Variants in TRAF2 observed in about 807,000 individuals in gnomAD.
The protein encoded by TRAF2 is TNF receptor-associated factor 2.
A neutral mutation model predicts 55.6 loss-of-function variants in TRAF2; 6 were observed. The observed-to-expected ratio is 0.11, with a 90% CI of 0.06 to 0.21. The LOEUF (loss-of-function observed/expected upper bound fraction) is 0.21. Ranked by LOEUF, TRAF2 falls within the 10% of genes least tolerant of loss-of-function variation. TRAF2 has a pLI of 1.00. For synonymous variants in TRAF2, 329 were observed against 276.3 expected (o/e 1.19, Z -1.89); for missense variants, 561 against 684.5 (o/e 0.82, Z 2.01).
chr9:136,923,766 C>T (rs17250638), intron 9 of TRAF2, 86 bp from the exon 10 acceptor site: 4 of 1,453,822 alleles, frequency 2.8e-6, no homozygotes, highest in Middle Eastern at 2.1e-4. Context: ...GTGTTTTTGT[C>T]CCTGGGGGAG....
At chr9:136,889,940 CGT>C (rs1244063210) in intron 1 of TRAF2, among the ~76,000 whole-genome samples, 3 of 150,560 alleles carry the variant, frequency 2.0e-5, no homozygotes, top group East Asian at 2.0e-4. Flanking sequence ...CTCGTCACCG[CGT>C]GTGTGAGAGT....
chr9:136,894,927 T>C (rs1798518078), intron 1 of TRAF2, among the ~76,000 whole-genome samples: 1 of 152,176 alleles, frequency 6.6e-6, no homozygotes, highest in African/African-American at 2.4e-5. Flanking sequence ...GTAGTGTGCA[T>C]GATCACACTT....
chr9:136,901,599 G>T (rs1048035235), intron 4 of TRAF2, among the ~76,000 whole-genome samples: 1 of 152,184 alleles, frequency 6.6e-6, no homozygotes. Flanking sequence ...AGGAGACAGG[G>T]GTCATTGTTC....
Position 136,925,938 on chromosome 9 carries a change from A to G in TRAF2, c.*37A>G, listed in dbSNP as rs752493223. 2.5e-6 allele frequency: 4 copies of G among 1,610,902 alleles called. No individual in the cohort carries two copies. The highest frequency in any genetic ancestry group is 2.2e-5 in the South Asian group (2 of 90,956). ...TGGTGTCTGGGGGTTGGGGGCAGCCAGGCACAGCCGGCTCACGGAGGGGCC... is the reference window on the plus strand; with the variant it reads ...TGGTGTCTGGGGGTTGGGGGCAGCCGGGCACAGCCGGCTCACGGAGGGGCC... On this transcript the variant is annotated 3_prime_UTR_variant, in exon 11 of 11. Transcript: ENST00000247668.
At chr9:136,925,013 A>G (rs1385359384) in intron 10 of TRAF2, among the ~76,000 whole-genome samples, 4 of 152,248 alleles carry the variant, frequency 2.6e-5, no homozygotes, top group Non-Finnish European at 4.4e-5. Context: ...CTGGGATTGT[A>G]GGCGTGAGCC....
intron 6 of TRAF2, among the ~76,000 whole-genome samples, chr9:136,914,611 TACCC>T (rs962995135): frequency 2.0e-5 from 3 of 152,238 alleles, no homozygotes; most frequent in African/African-American, 7.2e-5. Flanking sequence ...TTCAGATTCT[TACCC>T]AACTTCCATG....
chr9:136,922,827 C>CT (rs1227846845), intron 9 of TRAF2, among the ~76,000 whole-genome samples: 19 of 58,142 alleles, frequency 3.3e-4, no homozygotes, highest in African/African-American at 1.2e-3. Flanking sequence ...GAGGATGGGT[C>CT]TGGGGGCACG....
In TRAF2 at chr9:136,926,291, C is replaced by G. The variant is rs1850531043; in HGVS notation, c.*390C>G. The stretch of plus-strand genomic sequence containing the variant: ...AGGAGCACAGTGGATGGCCTTGTGT[C>G]CCTCGGGCATGACAGGCAGAAACGA... On this transcript the variant is annotated 3_prime_UTR_variant, in exon 11 of 11. Coordinates refer to ENST00000247668, the MANE Select transcript of TRAF2 (RefSeq NM_021138.4). 5.5e-6 allele frequency: 2 copies of G among 364,138 alleles called. No homozygotes were observed. The highest frequency in any genetic ancestry group is 5.4e-6 in the Non-Finnish European group (1 of 186,136). 22.6% of individuals were successfully genotyped at this position (364,138 alleles called of 1,614,324 possible). A position where few individuals can be genotyped will look rare whatever the true frequency, so the allele number is the denominator to read the frequency against.
intron 5 of TRAF2, 101 bp downstream of exon 5, chr9:136,908,332 C>A (rs766578362): frequency 7.7e-7 from 1 of 1,295,482 alleles, no homozygotes; most frequent in African/African-American, 1.5e-5. Context: ...CCTTTGCACT[C>A]GTTCCACCCC....
intron 5 of TRAF2, among the ~76,000 whole-genome samples, 169 bp downstream of exon 5, chr9:136,908,400 G>A (rs1478070688): frequency 6.6e-6 from 1 of 152,256 alleles, no homozygotes; most frequent in Non-Finnish European, 1.5e-5. Flanking sequence ...CTGGGAATGG[G>A]TGTGAAGTTA....
chr9:136,911,560 A>G (rs1312218543), intron 6 of TRAF2, among the ~76,000 whole-genome samples: 2 of 150,774 alleles, frequency 1.3e-5, no homozygotes, highest in African/African-American at 4.9e-5. Flanking sequence ...CCACTGCCCC[A>G]GCCCATTGCA....
chr9:136,908,549 C>T (rs563430228), intron 5 of TRAF2, among the ~76,000 whole-genome samples: 43 of 148,480 alleles, frequency 2.9e-4, no homozygotes, highest in East Asian at 1.2e-3. Context: ...GGTGAAACCC[C>T]GTCTCTACTA....
At chr9:136,882,606 A>ATACCCTCCC, upstream of TRAF2, 1 of 951,704 alleles carries the variant, frequency 1.1e-6, no homozygotes, top group Non-Finnish European at 1.3e-6. Flanking sequence ...GCCCGGGGAC[A>ATACCCTCCC]TACCCTCCCC....
Position 136,914,238 on chromosome 9 carries a change from C to T in TRAF2, c.604-2303C>T, listed in dbSNP as rs1053346440. On this transcript the variant is annotated intron_variant, in intron 6 of 10. Coordinates refer to ENST00000247668, the MANE Select transcript of TRAF2 (RefSeq NM_021138.4). The stretch of plus-strand genomic sequence containing the variant: ...CTTCCAGTTCCATGGACGGCCCTGC[C>T]GTGGGCAGCCTGGGGGACTTGTCTC... 7.9e-5 allele frequency among the ~76,000 whole-genome samples: 12 copies of T among 152,314 alleles called. No homozygotes were observed. In the East Asian group the frequency reaches 1.2e-3, roughly 15 times the overall value.
intron 6 of TRAF2, among the ~76,000 whole-genome samples, chr9:136,915,160 C>A (rs1350792256): frequency 6.6e-6 from 1 of 152,084 alleles, no homozygotes; most frequent in Non-Finnish European, 1.5e-5. Context: ...GCCTGGGCAA[C>A]AAGAGAGAAA....
upstream of TRAF2, among the ~76,000 whole-genome samples, chr9:136,882,942 C>T (rs1271953164): frequency 6.6e-6 from 1 of 152,246 alleles, no homozygotes; most frequent in East Asian, 1.9e-4. Flanking sequence ...GCAATCCTGG[C>T]TCACTGCAAC....
At chr9:136,918,187 C>T (rs983220482) in intron 7 of TRAF2, among the ~76,000 whole-genome samples, 1 of 145,438 alleles carries the variant, frequency 6.9e-6, no homozygotes, top group Non-Finnish European at 1.5e-5. Flanking sequence ...CATGTAGGTC[C>T]ATTTGTTTCT....
upstream of TRAF2, among the ~76,000 whole-genome samples, chr9:136,884,998 C>G (rs957460730): frequency 6.6e-6 from 1 of 152,180 alleles, no homozygotes; most frequent in Non-Finnish European, 1.5e-5. Context: ...CCTGCAGGTG[C>G]GGACTTGGGA....
intron 4 of TRAF2, among the ~76,000 whole-genome samples, chr9:136,906,587 A>T (rs893589591): frequency 2.6e-5 from 4 of 152,152 alleles, no homozygotes; most frequent in African/African-American, 9.7e-5. Context: ...ATTCAAGATG[A>T]GATTTGGGTG....
Sources: gnomAD v4.1 joint callset for allele counts (sites outside exome capture counted in the v4.1 genomes callset) on GRCh38, gnomAD v4.1.1 for gene constraint, MANE v1.5 for transcripts, NCBI Gene and HGNC (gene_info 2026-07-23, HGNC 2026-07-21) for gene names.